The following SERPINE2 variants were observed in gnomAD, a reference collection of about 807,000 sequenced individuals.
The protein encoded by SERPINE2 is glia-derived nexin.
In SERPINE2, 14 loss-of-function variants were observed where a neutral mutation model predicts 36.3. The observed-to-expected ratio is 0.39, with a 90% confidence interval of 0.25 to 0.60. The LOEUF (loss-of-function observed/expected upper bound fraction) is 0.60, where lower values mean the gene tolerates loss of function less well. Ranked by LOEUF, SERPINE2 falls within the 20% of genes least tolerant of loss-of-function variation. The pLI is 0.57. For missense variants in SERPINE2, 418 were observed against 499.6 expected, an observed-to-expected ratio of 0.84 and a Z score of 1.56; for synonymous variants, 192 against 191.8, an observed-to-expected ratio of 1.00 and a Z score of -0.01.
At chr2:224,007,340 G>C (rs1448274124) in intron 1 of SERPINE2, among the ~76,000 whole-genome samples, 1 of 152,094 alleles carries the variant, frequency 6.6e-6, no homozygotes, top group African/African-American at 2.4e-5. Flanking sequence ...AAGTGATCAT[G>C]TTTTATAAAA....
intron 1 of SERPINE2, among the ~76,000 whole-genome samples, chr2:224,027,476 T>C (rs1221172999): frequency 6.6e-6 from 1 of 152,192 alleles, no homozygotes; most frequent in Non-Finnish European, 1.5e-5. Flanking sequence ...CACTGACCAC[T>C]GCCAGCTTGA....
chr2:224,015,479 T>C (rs901993117), intron 1 of SERPINE2, among the ~76,000 whole-genome samples: 1 of 152,166 alleles, frequency 6.6e-6, no homozygotes, highest in Non-Finnish European at 1.5e-5. Context: ...CAAACAAACC[T>C]TGTGTTGGGA....
At chr2:223,985,436 A>C (rs1329040374) in intron 4 of SERPINE2, among the ~76,000 whole-genome samples, 2 of 151,988 alleles carry the variant, frequency 1.3e-5, no homozygotes, top group Non-Finnish European at 2.9e-5. Context: ...ATAATTACCC[A>C]TTTTGCTGTT....
chr2:224,033,779 C>G (rs1157136795), intron 1 of SERPINE2, among the ~76,000 whole-genome samples: 1 of 152,092 alleles, frequency 6.6e-6, no homozygotes, highest in Non-Finnish European at 1.5e-5. Context: ...TGCAGCCCAG[C>G]CAACAGACCT....
intron 1 of SERPINE2, chr2:224,030,333 G>A (rs1692321329): frequency 3.6e-6 from 2 of 557,834 alleles, no homozygotes; most frequent in Non-Finnish European, 4.6e-6. Context: ...TCAGGCCAAA[G>A]ACACGAGGAA....
chr2:224,036,919 G>C (rs1692555799), intron 1 of SERPINE2, among the ~76,000 whole-genome samples: 1 of 151,682 alleles, frequency 6.6e-6, no homozygotes, highest in Admixed American at 6.5e-5. Flanking sequence ...GGCACTGGGA[G>C]TTGGGATTCA....
At chr2:224,016,383 A>G (rs1376367190) in intron 1 of SERPINE2, among the ~76,000 whole-genome samples, 1 of 152,130 alleles carries the variant, frequency 6.6e-6, no homozygotes, top group Non-Finnish European at 1.5e-5. Context: ...GCAGGTGCCT[A>G]TAATCCCAGC....
At chr2:223,989,278 C>A (rs1194764201) in intron 4 of SERPINE2, among the ~76,000 whole-genome samples, 1 of 152,140 alleles carries the variant, frequency 6.6e-6, no homozygotes. Context: ...ATTCTCAGAG[C>A]TCTTAATGAT....
chr2:223,995,902 G>A (rs955789051), intron 3 of SERPINE2, among the ~76,000 whole-genome samples: 3 of 152,086 alleles, frequency 2.0e-5, no homozygotes. Flanking sequence ...GTACCCAAGG[G>A]TTTACCTATT....
At chr2:223,998,786 C>T (rs545392608) in intron 2 of SERPINE2, among the ~76,000 whole-genome samples, 1 of 152,254 alleles carries the variant, frequency 6.6e-6, no homozygotes, top group Admixed American at 6.5e-5. Flanking sequence ...TCTGTTCTCT[C>T]AGGGGCCTAT....
chr2:223,994,772 C>T (rs1690811638), intron 3 of SERPINE2, among the ~76,000 whole-genome samples: 1 of 152,212 alleles, frequency 6.6e-6, no homozygotes, highest in African/African-American at 2.4e-5. Context: ...TGAACATTTA[C>T]TAAGTGCAGA....
chr2:223,992,186 A>C (rs767295468), intron 3 of SERPINE2, among the ~76,000 whole-genome samples, 186 bp from the exon 4 acceptor site: 19 of 152,170 alleles, frequency 1.2e-4, no homozygotes, highest in Non-Finnish European at 2.6e-4. Context: ...TATTAAAGTT[A>C]AAAAGAAGTT....
chr2:223,987,013 T>C (rs1409381377), intron 4 of SERPINE2, among the ~76,000 whole-genome samples: 1 of 152,158 alleles, frequency 6.6e-6, no homozygotes, highest in East Asian at 1.9e-4. Flanking sequence ...CTGCATCCTT[T>C]TATAGAGGAC....
chr2:224,003,653 T>C (rs527416014), intron 1 of SERPINE2, among the ~76,000 whole-genome samples: 1 of 152,220 alleles, frequency 6.6e-6, no homozygotes, highest in East Asian at 1.9e-4. Context: ...AAGTAAGAGG[T>C]AGGAAATTTA....
intron 3 of SERPINE2, among the ~76,000 whole-genome samples, chr2:223,994,102 A>G (rs1690784645): frequency 6.6e-6 from 1 of 152,072 alleles, no homozygotes; most frequent in Admixed American, 6.5e-5. Context: ...GCCACCTCCT[A>G]AGAGATGTCT....
chr2:223,991,991 T>C lies in SERPINE2; in HGVS notation c.497A>G (p.Asp166Gly). 1 of 1,613,948 alleles carries C rather than the reference T, an allele frequency of 6.2e-7. No homozygotes were observed. Among genetic ancestry groups the C allele is most frequent in the South Asian group, 1.1e-5 (1 of 90,996 alleles). The change falls in exon 4 of 9, where the codon GAC (aspartate) becomes GGC (glycine). Residue 166 changes from aspartate to glycine, a missense_variant. Transcript: ENST00000409304. ...WVKNETRDMIDNLLSPDLIDG... is the reference protein window; with the variant it reads ...WVKNETRDMIGNLLSPDLIDG... The stretch of plus-strand genomic sequence containing the variant: ...AATAAGATCTGGGGACAGCAGATTG[T>C]CAATCATATCTGTGAAGCCAAAGAA...
intron 7 of SERPINE2, chr2:223,980,064 A>T (rs1003779366): frequency 1.0e-5 from 4 of 391,094 alleles, no homozygotes; most frequent in African/African-American, 8.1e-5. Flanking sequence ...TCTTTATAGA[A>T]GTTTGCTGAC....
intron 1 of SERPINE2, among the ~76,000 whole-genome samples, chr2:224,021,866 A>C (rs186434519): frequency 6.6e-6 from 1 of 152,228 alleles, no homozygotes; most frequent in Non-Finnish European, 1.5e-5. Context: ...TCTACTAAAA[A>C]TACAAAAATT....
At chr2:223,990,402 G>A (rs1181816364) in intron 4 of SERPINE2, among the ~76,000 whole-genome samples, 1 of 152,082 alleles carries the variant, frequency 6.6e-6, no homozygotes, top group Non-Finnish European at 1.5e-5. Context: ...AACTCTCTGG[G>A]AATAGCCTGT....
Sources: allele counts gnomAD v4.1 joint callset (sites outside exome capture counted in the v4.1 genomes callset), GRCh38; gene constraint gnomAD v4.1.1; transcripts MANE v1.5; gene names NCBI Gene and HGNC (gene_info 2026-07-23, HGNC 2026-07-21).